CCDC93: variants seen among roughly 807,000 people sequenced by gnomAD.
The protein encoded by CCDC93 is coiled-coil domain-containing protein 93.
In CCDC93, 61 loss-of-function variants were observed where a neutral mutation model predicts 108.2. That is an observed-to-expected ratio of 0.56 (90% CI 0.46 to 0.70). CCDC93 has a LOEUF of 0.70. Ranked by LOEUF, CCDC93 falls within the 30% of genes least tolerant of loss-of-function variation. The pLI is 0.00. For synonymous variants in CCDC93, 276 were observed against 260.4 expected (o/e 1.06, Z -0.58); for missense variants, 685 against 764.2 (o/e 0.90, Z 1.22).
In CCDC93 at chr2:117,944,148, C is replaced by A. The variant is rs1170422129; in HGVS notation, c.1351-62G>T. 13 of 1,193,786 alleles carry A rather than the reference C, an allele frequency of 1.1e-5. No homozygotes were observed. The East Asian group carries it at 3.1e-4, about 29-fold the overall frequency. The allele number at this position is 1,193,786 out of a possible 1,614,324, so 73.9% of individuals were successfully genotyped here. On this transcript the variant is annotated intron_variant, in intron 17 of 23. Transcript: ENST00000376300. ...GAAAACTTTCACTCTTTAATGGAGTCTTTGAAAGTTGAATATGTTTTTATC... is the reference window on the plus strand; with the variant it reads ...GAAAACTTTCACTCTTTAATGGAGTATTTGAAAGTTGAATATGTTTTTATC...
chr2:117,994,369 T>C (rs1442009795), intron 6 of CCDC93, among the ~76,000 whole-genome samples: 1 of 152,230 alleles, frequency 6.6e-6, no homozygotes, highest in Non-Finnish European at 1.5e-5. Flanking sequence ...AAACAGTATC[T>C]GGCTTTTGAG....
intron 18 of CCDC93, among the ~76,000 whole-genome samples, chr2:117,942,361 T>A (rs1678727913): frequency 6.6e-6 from 1 of 152,256 alleles, no homozygotes; most frequent in Admixed American, 6.5e-5. Context: ...GCCTCTCTCT[T>A]CCCTTTTACA....
chr2:117,995,601 C>T, intron 5 of CCDC93, 99 bp from the exon 6 acceptor site: 2 of 924,368 alleles, frequency 2.2e-6, no homozygotes, highest in Non-Finnish European at 3.5e-6. Flanking sequence ...CTCATCTCAT[C>T]ACTACTTTGC....
intron 12 of CCDC93, among the ~76,000 whole-genome samples, chr2:117,956,805 T>G (rs1249228503): frequency 3.3e-5 from 5 of 152,170 alleles, no homozygotes; most frequent in African/African-American, 1.2e-4. Context: ...AAGAAATGAT[T>G]GGGCAGGACC....
At chr2:117,982,262 T>C (rs918503784) in intron 7 of CCDC93, among the ~76,000 whole-genome samples, 3 of 152,084 alleles carry the variant, frequency 2.0e-5, no homozygotes, top group South Asian at 2.1e-4. Flanking sequence ...ATATGGCACA[T>C]AAAATGCATT....
chr2:118,008,512 G>T (rs1450366410), intron 2 of CCDC93, 33 bp downstream of exon 2: 2 of 1,186,844 alleles, frequency 1.7e-6, no homozygotes, highest in African/African-American at 1.5e-5. Flanking sequence ...TCTGACAAAA[G>T]ATAGTGTAAT....
chr2:117,987,870 CA>C (rs1235124100), intron 6 of CCDC93, among the ~76,000 whole-genome samples: 1 of 152,044 alleles, frequency 6.6e-6, no homozygotes. Flanking sequence ...AGGTATGTGC[CA>C]GGCACATTCT....
At chr2:117,979,840 C>A (rs1680058226) in intron 7 of CCDC93, among the ~76,000 whole-genome samples, 1 of 152,170 alleles carries the variant, frequency 6.6e-6, no homozygotes, top group Non-Finnish European at 1.5e-5. Context: ...GGAAAAGAGA[C>A]TATTTTCCAT....
Position 118,008,612 on chromosome 2 carries a change from A to G in CCDC93, c.89T>C (p.Ile30Thr), listed in dbSNP as rs1335593085. The stretch of plus-strand genomic sequence containing the variant: ...CCCAGCTGCAACCAAGAGCTCCAGA[A>G]TTTCAGTCAACTTGACATTTTGTTC... ...DEEQNVKLTE[I>T]LELLVAAGYF... is the part of the protein sequence containing the mutation. Residue 30 changes from isoleucine (I) to threonine (T), a missense_variant, in exon 2 of 24, where the codon ATT (isoleucine) becomes ACT (threonine). By Grantham distance (89) the Ile-to-Thr change is moderately conservative (BLOSUM62 -1). Coordinates refer to ENST00000376300, the MANE Select transcript of CCDC93 (RefSeq NM_019044.5). 39 of 1,613,778 alleles carry G rather than the reference A, an allele frequency of 2.4e-5. No individual in the cohort carries two copies. The highest frequency in any genetic ancestry group is 3.1e-5 in the Non-Finnish European group (37 of 1,179,804).
rs1679847445 is a variant in CCDC93, at chr2:117,973,915, G to A, written c.881C>T (p.Ala294Val). ...AGCTGGGCCCCCACCTACCTTCTCTGCATACTCGGACACAATCTGCTTGAT... is the reference window on the plus strand; with the variant it reads ...AGCTGGGCCCCCACCTACCTTCTCTACATACTCGGACACAATCTGCTTGAT... Reference protein sequence around the residue: ...AEIKQIVSEYAEKQSELSAEE... With the variant: ...AEIKQIVSEYVEKQSELSAEE... Residue 294 changes from alanine (A) to valine (V), a missense_variant, in exon 11 of 24, where the codon GCA (alanine) becomes GTA (valine). Coordinates refer to ENST00000376300, the MANE Select transcript of CCDC93 (RefSeq NM_019044.5). 6.2e-7 allele frequency: 1 copy of A among 1,610,176 alleles called. No individual in the cohort carries two copies.
intron 23 of CCDC93, among the ~76,000 whole-genome samples, chr2:117,924,171 G>C (rs1031508611): frequency 6.6e-6 from 1 of 152,156 alleles, no homozygotes; most frequent in Non-Finnish European, 1.5e-5. Flanking sequence ...AAACCACAAA[G>C]ATGGGGAAAA....
intron 13 of CCDC93, chr2:117,951,083 T>TGA (rs10681359): frequency 0.99 from 970,561 of 976,476 alleles, 482,599 homozygotes; most frequent in Non-Finnish European, 1. Flanking sequence ...TATAAGTCAC[T>TGA]TAGTTTATAT....
intron 13 of CCDC93, chr2:117,951,672 A>G: frequency 4.0e-6 from 4 of 1,000,300 alleles, no homozygotes; most frequent in Non-Finnish European, 4.8e-6. Context: ...CAAGGAAGAC[A>G]GCTTTTCAAG....
At chr2:117,967,664 C>G (rs372072707) in intron 11 of CCDC93, among the ~76,000 whole-genome samples, 1 of 152,186 alleles carries the variant, frequency 6.6e-6, no homozygotes, top group East Asian at 1.9e-4. Context: ...GTCCTGCACT[C>G]AAACCTGGAA....
At chr2:117,940,044 A>T (rs2104727863) in intron 19 of CCDC93, among the ~76,000 whole-genome samples, 1 of 152,256 alleles carries the variant, frequency 6.6e-6, no homozygotes, top group Non-Finnish European at 1.5e-5. Context: ...GTTGAAAGAG[A>T]TCTAATTAGA....
At chr2:117,944,178 C>CT (rs2104733838) in intron 17 of CCDC93, 92 bp from the exon 18 acceptor site, 2 of 874,372 alleles carry the variant, frequency 2.3e-6, no homozygotes. Context: ...TTTATCATAT[C>CT]TCCCCCATCC....
intron 7 of CCDC93, among the ~76,000 whole-genome samples, chr2:117,985,128 A>T (rs1294470512): frequency 1.5e-5 from 2 of 134,462 alleles, no homozygotes; most frequent in Non-Finnish European, 3.2e-5. Context: ...ATTCTTAGGA[A>T]GAAAAAACAA....
At chr2:117,944,159 GA>G in intron 17 of CCDC93, 73 bp from the exon 18 acceptor site, 1 of 1,104,932 alleles carries the variant, frequency 9.1e-7, no homozygotes, top group Non-Finnish European at 1.3e-6. Context: ...TTTGAAAGTT[GA>G]ATATGTTTTT....
At chr2:117,936,603 A>T (rs1678532653) in intron 21 of CCDC93, 99 bp downstream of exon 21, 1 of 942,482 alleles carries the variant, frequency 1.1e-6, no homozygotes, top group Non-Finnish European at 1.8e-6. Context: ...TAAGTCTTGC[A>T]TGTACCTTTG....
Sources: gnomAD v4.1 joint callset for allele counts (sites outside exome capture counted in the v4.1 genomes callset) on GRCh38, gnomAD v4.1.1 for gene constraint, MANE v1.5 for transcripts, NCBI Gene and HGNC (gene_info 2026-07-23, HGNC 2026-07-21) for gene names.